E2F1: variants seen among roughly 807,000 people sequenced by gnomAD.
The protein encoded by E2F1 is E2F transcription factor 1.
E2F1 carries 7 observed loss-of-function variants against 36.9 expected under a neutral mutation model. The ratio of observed to expected loss-of-function variants is 0.19; its 90% CI spans 0.11 to 0.36. The LOEUF is 0.36. Ranked by LOEUF, E2F1 falls within the 10% of genes least tolerant of loss-of-function variation. The pLI is 1.00. For synonymous variants in E2F1, 261 were observed against 263.1 expected (o/e 0.99, Z 0.08); for missense variants, 406 against 573.6 (o/e 0.71, Z 2.99).
intron 1 of E2F1, among the ~76,000 whole-genome samples, chr20:33,685,294 G>A (rs2018056577): frequency 6.6e-6 from 1 of 152,054 alleles, no homozygotes; most frequent in South Asian, 2.1e-4. Context: ...CAGGCAGAGG[G>A]AGGGGATCAG....
chr20:33,683,493 C>G (rs1334802257), intron 1 of E2F1, among the ~76,000 whole-genome samples: 1 of 150,038 alleles, frequency 6.7e-6, no homozygotes, highest in African/African-American at 2.5e-5. Flanking sequence ...AAGTTTTCAG[C>G]TGGGCATGGT....
intron 1 of E2F1, among the ~76,000 whole-genome samples, chr20:33,681,830 C>T (rs1487192826): frequency 1.3e-5 from 2 of 152,162 alleles, no homozygotes; most frequent in African/African-American, 4.8e-5. Flanking sequence ...CCTGCCTCTG[C>T]TGCAGCCAGT....
In E2F1 at chr20:33,676,698, G is replaced by C; in HGVS notation, c.*34C>G. The C allele has an allele frequency of 6.4e-7, 1 of 1,567,818 alleles. No homozygotes were observed. Among genetic ancestry groups the C allele is most frequent in the East Asian group, 2.3e-5 (1 of 44,172 alleles). ...CTCCAGGGCTGCAGAGACAAGGTGA[G>C]CATCTCTGGAAACCCTGGTCCCTCC... On this transcript the variant is annotated 3_prime_UTR_variant, in exon 7 of 7. Coordinates refer to ENST00000343380, the MANE Select transcript of E2F1 (RefSeq NM_005225.3).
intron 1 of E2F1, 57 bp downstream of exon 1, chr20:33,685,947 G>A (rs1480738985): frequency 9.1e-7 from 1 of 1,097,940 alleles, no homozygotes; most frequent in Non-Finnish European, 1.1e-6. Flanking sequence ...GCGCCCTCCC[G>A]GGTCTGCGCG....
At position 33,686,312 on chromosome 20, in the gene E2F1, C is replaced by T; in HGVS notation, c.-48G>A. On this transcript the variant is annotated 5_prime_UTR_variant, in exon 1 of 7. Coordinates refer to ENST00000343380, the MANE Select transcript of E2F1 (RefSeq NM_005225.3). ...CGGGTGACAGGCGGCGGCGGCGGCG[C>T]GGGCCCATGGCGGCAGGCCTCGGCG... is the stretch of plus-strand genomic sequence containing the variant. 2.0e-6 allele frequency: 2 copies of T among 995,356 alleles called. No individual in the cohort carries two copies. The highest frequency in any genetic ancestry group is 2.4e-6 in the Non-Finnish European group (2 of 837,366). 61.7% of individuals were successfully genotyped at this position (995,356 alleles called of 1,614,324 possible).
In E2F1 at chr20:33,675,711, AAGC is replaced by A. The variant is rs2017941281; in HGVS notation, c.*1018_*1020del. 6.2e-6 allele frequency: 1 copy of A among 160,724 alleles called. No homozygotes were observed. Among genetic ancestry groups the A allele is most frequent in the Non-Finnish European group, 1.4e-5 (1 of 73,182 alleles). The allele number at this position is 160,724 out of a possible 1,614,324, so 10.0% of individuals were successfully genotyped here. On this transcript the variant is annotated 3_prime_UTR_variant, in exon 7 of 7. Transcript: ENST00000343380. ...GTCATCAAAATATTTATTAAAACCA[AAGC>A]AGGAGGGAACAGAGCTGTTAGGAAG... is the stretch of plus-strand genomic sequence containing the variant.
Position 33,678,207 on chromosome 20 carries a change from C to A in E2F1, c.719G>T (p.Ser240Ile), listed in dbSNP as rs984199783. Reference protein sequence around the residue: ...QLRLLSEDTDSQRLAYVTCQD... With the variant: ...QLRLLSEDTDIQRLAYVTCQD... The stretch of plus-strand genomic sequence containing the variant: ...ACGGCCAATCCAAGGATATCGCTGG[C>A]TGTCAGTGTCCTCGGAGAGCAGGCG... Residue 240 changes from serine to isoleucine, a missense_variant, in exon 4 of 7, where the codon AGC becomes ATC. By Grantham distance (142) the Ser-to-Ile change is moderately radical. This residue lies in a region of E2F1 where 93 missense variants were observed against 143.3 expected (regional missense o/e 0.65). Coordinates refer to ENST00000343380, the MANE Select transcript of E2F1 (RefSeq NM_005225.3). 5 of 1,612,026 alleles carry A rather than the reference C, an allele frequency of 3.1e-6. No homozygotes were observed. The highest frequency in any genetic ancestry group is 4.2e-6 in the Non-Finnish European group (5 of 1,178,614).
Position 33,686,208 on chromosome 20 carries a change from C to A in E2F1, c.57G>T (p.Leu19=). 1 of 1,036,248 alleles carries A rather than the reference C, an allele frequency of 9.7e-7. No homozygotes were observed. Among genetic ancestry groups the A allele is most frequent in the South Asian group, 4.0e-5 (1 of 24,882 alleles). The allele number at this position is 1,036,248 out of a possible 1,614,324, so 64.2% of individuals were successfully genotyped here. The change falls in exon 1 of 7, where the codon CTG becomes CTT. Residue 19 remains leucine, a synonymous_variant. Coordinates refer to ENST00000343380, the MANE Select transcript of E2F1 (RefSeq NM_005225.3). ...GGPCAPALEA[L]LGAGALRLLD... ...GCAGCCGCAGCGCGCCGGCCCCGAGCAGGGCCTCCAGCGCCGGCGCGCATG... is the reference window on the plus strand; with the variant it reads ...GCAGCCGCAGCGCGCCGGCCCCGAGAAGGGCCTCCAGCGCCGGCGCGCATG...
chr20:33,679,131 T>C lies in E2F1; in HGVS notation c.572+624A>G, dbSNP rs559164141. On this transcript the variant is annotated intron_variant, in intron 3 of 6. Transcript: ENST00000343380. This position sits in a 1 kb window ranked among gnomAD's most constrained non-coding sequence, Gnocchi z 4.6. ...TCACCGAGGGCATGAGAAGCCAGGATAGTGGTGACCTGGCGGTGTGAGGGG... is the reference window on the plus strand; with the variant it reads ...TCACCGAGGGCATGAGAAGCCAGGACAGTGGTGACCTGGCGGTGTGAGGGG... Among the ~76,000 whole-genome samples the C allele has an allele frequency of 2.6e-5, 4 of 152,256 alleles. No individual in the cohort carries two copies. Among genetic ancestry groups the C allele is most frequent in the African/African-American group, 7.2e-5 (3 of 41,544 alleles).
At chr20:33,684,323 G>C (rs1246233606) in intron 1 of E2F1, among the ~76,000 whole-genome samples, 2 of 152,142 alleles carry the variant, frequency 1.3e-5, no homozygotes, top group Non-Finnish European at 2.9e-5. Flanking sequence ...GAAGATGCTT[G>C]CCCAGGTCCC....
At chr20:33,684,700 T>C (rs2018049570) in intron 1 of E2F1, among the ~76,000 whole-genome samples, 1 of 152,144 alleles carries the variant, frequency 6.6e-6, no homozygotes, top group Non-Finnish European at 1.5e-5. Context: ...TGGCTGCTAT[T>C]GTTATTATTA....
rs2017983882 is a variant in E2F1, at chr20:33,678,249, A to T, written c.677T>A (p.Ile226Asn). 6.2e-7 allele frequency: 1 copy of T among 1,613,704 alleles called. No individual in the cohort carries two copies. The highest frequency in any genetic ancestry group is 8.5e-7 in the Non-Finnish European group (1 of 1,180,024). The change falls in exon 4 of 7, where the codon ATC becomes AAC. Residue 226 changes from isoleucine (I) to asparagine (N), a missense_variant. Physicochemically the swap from Ile to Asn is moderately radical, Grantham distance 149. Transcript: ENST00000343380. The stretch of plus-strand genomic sequence containing the variant: ...GAGCAGGCGCAGCTGCGTAGTACAG[A>T]TATTCATCAGGTGGTCCAGCTGCTG... ...SEQQLDHLMN[I>N]CTTQLRLLSE...
intron 1 of E2F1, among the ~76,000 whole-genome samples, chr20:33,685,506 G>A (rs915043122): frequency 4.6e-5 from 7 of 152,218 alleles, no homozygotes; most frequent in African/African-American, 1.7e-4. Context: ...GCTCACTACC[G>A]AGATGCAAAT....
intron 4 of E2F1, among the ~76,000 whole-genome samples, chr20:33,677,972 TAATCTGTAC>T (rs1340084231): frequency 6.6e-6 from 1 of 152,226 alleles, no homozygotes; most frequent in Non-Finnish European, 1.5e-5. Flanking sequence ...TTTTCTTTTT[TAATCTGTAC>T]AATTTCAGAA....
chr20:33,677,402 G>C (rs367892498), intron 5 of E2F1, 24 bp downstream of exon 5: 15 of 1,612,366 alleles, frequency 9.3e-6, no homozygotes, highest in Non-Finnish European at 1.2e-5. Flanking sequence ...CAGCCCAGTT[G>C]GGCCCGGAGT....
Position 33,679,638 on chromosome 20 carries a change from G to C in E2F1, c.572+117C>G. The stretch of plus-strand genomic sequence containing the variant: ...CTCAGGGAAGCTACCTCTCCTCTCT[G>C]AGCCCGTTTCCCCAGCTATAAGATG... On this transcript the variant is annotated intron_variant, in intron 3 of 6. Coordinates refer to ENST00000343380, the MANE Select transcript of E2F1 (RefSeq NM_005225.3). The surrounding 1 kb of genome is among the most constrained non-coding windows in gnomAD (Gnocchi z 4.6). 1 of 919,282 alleles carries C rather than the reference G, an allele frequency of 1.1e-6. No individual in the cohort carries two copies. Among genetic ancestry groups the C allele is most frequent in the Non-Finnish European group, 1.8e-6 (1 of 565,250 alleles). 56.9% of individuals were successfully genotyped at this position (919,282 alleles called of 1,614,324 possible).
intron 3 of E2F1, 82 bp from the exon 4 acceptor site, chr20:33,678,435 G>C: frequency 6.5e-7 from 1 of 1,536,722 alleles, no homozygotes; most frequent in South Asian, 1.2e-5. Flanking sequence ...GACAGAGTCT[G>C]CTGTTGCCTC....
chr20:33,683,191 C>G (rs1443018440), intron 1 of E2F1, among the ~76,000 whole-genome samples: 1 of 152,204 alleles, frequency 6.6e-6, no homozygotes, highest in Non-Finnish European at 1.5e-5. Context: ...TGGCTCACGC[C>G]TGTAATCCTG....
intron 1 of E2F1, among the ~76,000 whole-genome samples, chr20:33,685,605 G>A (rs911226478): frequency 1.3e-5 from 2 of 152,058 alleles, no homozygotes; most frequent in African/African-American, 4.8e-5. Flanking sequence ...TCCCTCTCTG[G>A]GCCTCAGTTC....
Sources: gnomAD v4.1 joint callset for allele counts (sites outside exome capture counted in the v4.1 genomes callset) on GRCh38, gnomAD v4.1.1 for gene constraint, gnomAD v4.1.1 regional missense constraint, Gnocchi (gnomAD v3.1) non-coding constraint, MANE v1.5 for transcripts, NCBI Gene and HGNC (gene_info 2026-07-23, HGNC 2026-07-21) for gene names.